The following CDKL4 variants were observed in gnomAD, a reference collection of about 807,000 sequenced individuals.
CDKL4 encodes the protein cyclin dependent kinase like 4.
In CDKL4, 44 loss-of-function variants were observed where a neutral mutation model predicts 42.0. That is an observed-to-expected ratio of 1.05 (90% CI 0.82 to 1.35). The LOEUF is 1.35. CDKL4 is among the 40% of genes most tolerant of loss of function. The probability of loss-of-function intolerance (pLI) is 0.00; values close to 1 mark genes in which losing one functional copy is unlikely to be tolerated. For missense variants in CDKL4, 393 were observed against 369.9 expected (o/e 1.06, Z -0.51); for synonymous variants, 120 against 121.6 (o/e 0.99, Z 0.09).
intron 5 of CDKL4, among the ~76,000 whole-genome samples, chr2:39,201,842 C>T (rs765823875): frequency 3.9e-4 from 59 of 152,068 alleles, no homozygotes; most frequent in Non-Finnish European, 7.5e-4. Context: ...CCGAAAGGGT[C>T]GGGCGGCGGG....
intron 9 of CDKL4, chr2:39,178,513 G>A (rs1675260195): frequency 3.3e-6 from 5 of 1,537,908 alleles, no homozygotes; most frequent in Non-Finnish European, 4.4e-6. Flanking sequence ...GTGAGAAAAA[G>A]CCCTGAACCA....
chr2:39,171,106 G>C (rs1378803448), downstream of CDKL4, among the ~76,000 whole-genome samples: 3 of 152,030 alleles, frequency 2.0e-5, no homozygotes, highest in African/African-American at 7.2e-5. Context: ...GGGCGTGGTG[G>C]CACATGCCTG....
Position 39,185,454 on chromosome 2 carries a change from A to G in CDKL4, c.736-807T>C, listed in dbSNP as rs1204055933. 6.3e-5 allele frequency among the ~76,000 whole-genome samples: 7 copies of G among 111,104 alleles called. 1 individual carries two copies. The East Asian group carries it at 1.2e-3, about 20-fold the overall frequency. The allele number at this position is 111,104 out of a possible 152,430, so 72.9% of individuals were successfully genotyped here. A position where few individuals can be genotyped will look rare whatever the true frequency, so the allele number is the denominator to read the frequency against. ...TATGTATATATACATGTATATATACATATGTGTATATATATATATATATAT... is the reference window on the plus strand; with the variant it reads ...TATGTATATATACATGTATATATACGTATGTGTATATATATATATATATAT... On this transcript the variant is annotated intron_variant, in intron 7 of 9. Transcript: ENST00000451199.
chr2:39,205,822 C>T (rs1231605710), intron 4 of CDKL4, among the ~76,000 whole-genome samples: 1 of 151,556 alleles, frequency 6.6e-6, no homozygotes, highest in East Asian at 1.9e-4. Flanking sequence ...AATCATGCCC[C>T]GACAAAAGGC....
downstream of CDKL4, among the ~76,000 whole-genome samples, chr2:39,172,089 T>A (rs1435007931): frequency 6.6e-6 from 1 of 152,014 alleles, no homozygotes; most frequent in Admixed American, 6.6e-5. Flanking sequence ...GGCAGGCGGA[T>A]CACGAGGTCA....
At chr2:39,190,740 G>T (rs13016647) in intron 5 of CDKL4, among the ~76,000 whole-genome samples, 139 of 152,280 alleles carry the variant, frequency 9.1e-4, no homozygotes, top group African/African-American at 3.3e-3. Flanking sequence ...GTGGCGGGTG[G>T]TGTGATAGGG....
chr2:39,168,630 T>C, the CDKL4 span, among the ~76,000 whole-genome samples: 1 of 150,346 alleles, frequency 6.7e-6, no homozygotes, highest in Non-Finnish European at 1.5e-5. Flanking sequence ...AGCTACTTAG[T>C]AGGCTGAGGC....
chr2:39,193,317 T>G (rs1676306648), intron 5 of CDKL4, among the ~76,000 whole-genome samples: 1 of 149,162 alleles, frequency 6.7e-6, no homozygotes. Flanking sequence ...TTTCTATGAG[T>G]GGAATTATTA....
chr2:39,182,497 C>T (rs1675494943), intron 8 of CDKL4, among the ~76,000 whole-genome samples: 1 of 152,180 alleles, frequency 6.6e-6, no homozygotes, highest in Non-Finnish European at 1.5e-5. Flanking sequence ...CTTCTGAGTC[C>T]TTGCCTGCCT....
At chr2:39,171,231 C>T (rs1338519433), downstream of CDKL4, among the ~76,000 whole-genome samples, 4 of 146,474 alleles carry the variant, frequency 2.7e-5, no homozygotes, top group Non-Finnish European at 6.0e-5. Flanking sequence ...AGAGAGAGAC[C>T]GTCTCAAAAA....
chr2:39,209,934 C>T (rs1013786611), intron 4 of CDKL4, among the ~76,000 whole-genome samples: 10 of 152,090 alleles, frequency 6.6e-5, no homozygotes, highest in African/African-American at 2.4e-4. Flanking sequence ...TACACAAAGG[C>T]TTACCATAAG....
chr2:39,172,277 A>G (rs1191883949), downstream of CDKL4, among the ~76,000 whole-genome samples: 5 of 151,642 alleles, frequency 3.3e-5, no homozygotes, highest in African/African-American at 1.2e-4. Context: ...GCGCCATTGC[A>G]TTCCAGCCTG....
intron 5 of CDKL4, among the ~76,000 whole-genome samples, chr2:39,193,842 C>T (rs1299297473): frequency 1.3e-5 from 2 of 152,334 alleles, no homozygotes; most frequent in East Asian, 3.9e-4. Flanking sequence ...TGTTCTTTTT[C>T]ACTTAGCCCC....
chr2:39,186,774 C>T (rs542181655), intron 7 of CDKL4, among the ~76,000 whole-genome samples: 15 of 151,758 alleles, frequency 9.9e-5, no homozygotes, highest in Non-Finnish European at 2.1e-4. Context: ...AAGAAGACTA[C>T]TATAAGTAGT....
At chr2:39,223,142 CT>C (rs1678480125) in intron 3 of CDKL4, among the ~76,000 whole-genome samples, 1 of 152,120 alleles carries the variant, frequency 6.6e-6, no homozygotes, top group Non-Finnish European at 1.5e-5. Context: ...CTCTAATGGG[CT>C]GGCTGCATAT....
chr2:39,190,423 A>G (rs1321830178), exon 6 of CDKL4: 6 of 1,614,020 alleles, frequency 3.7e-6, no homozygotes, highest in South Asian at 1.1e-5. Flanking sequence ...CTGAAGAACC[A>G]TACTGAGTAT....
At chr2:39,187,850 T>C in intron 6 of CDKL4, 141 bp from the exon 7 acceptor site, 2 of 601,940 alleles carry the variant, frequency 3.3e-6, no homozygotes, top group Non-Finnish European at 5.8e-6. Context: ...GGTGGATCAC[T>C]TGACGTCAAG....
intron 1 of CDKL4, among the ~76,000 whole-genome samples, chr2:39,234,929 C>T (rs1679288325): frequency 6.6e-6 from 1 of 151,124 alleles, no homozygotes; most frequent in African/African-American, 2.4e-5. Context: ...TGCTCTGTTG[C>T]TCAATCTAAA....
exon 10 of CDKL4, chr2:39,175,718 T>C (rs534026034): frequency 4.7e-5 from 9 of 192,474 alleles, no homozygotes; most frequent in South Asian, 1.8e-4. Flanking sequence ...AAATTCTCCA[T>C]ATAGATAGCC....
Sources: gnomAD v4.1 joint callset for allele counts (sites outside exome capture counted in the v4.1 genomes callset) on GRCh38, gnomAD v4.1.1 for gene constraint, MANE v1.5 for transcripts, NCBI Gene and HGNC (gene_info 2026-07-23, HGNC 2026-07-21) for gene names.